NAALADL2: variants seen among roughly 807,000 people sequenced by gnomAD.
NAALADL2 encodes N-acetylated alpha-linked acidic dipeptidase like 2, also known as inactive N-acetylated-alpha-linked acidic dipeptidase-like protein 2.
In NAALADL2, 76 loss-of-function variants were observed where a neutral mutation model predicts 87.2. The observed-to-expected ratio is 0.87, with a 90% confidence interval of 0.72 to 1.05. The LOEUF (loss-of-function observed/expected upper bound fraction) is 1.05, where lower values mean the gene tolerates loss of function less well. NAALADL2 is among the 50% of genes least tolerant of loss of function. The pLI, the probability that NAALADL2 is intolerant of heterozygous loss-of-function variation, is 0.00. For synonymous variants in NAALADL2, 354 were observed against 331.0 expected, an observed-to-expected ratio of 1.07 and a Z score of -0.75; for missense variants, 1,089 against 945.8, an observed-to-expected ratio of 1.15 and a Z score of -1.99.
At chr3:174,533,567 C>T (rs1578106936) in intron 1 of NAALADL2, among the ~76,000 whole-genome samples, 1 of 141,216 alleles carries the variant, frequency 7.1e-6, no homozygotes, top group African/African-American at 2.6e-5. Context: ...GTTAAATAAA[C>T]AATACAGGAA....
At chr3:175,755,119 A>C (rs1747092038) in intron 12 of NAALADL2, 101 bp from the exon 13 acceptor site, 1 of 908,630 alleles carries the variant, frequency 1.1e-6, no homozygotes, top group Non-Finnish European at 1.7e-6. Context: ...TTCCTTCTTC[A>C]GTGGTCTGTC....
intron 5 of NAALADL2, among the ~76,000 whole-genome samples, chr3:175,351,235 G>C (rs1029511652): frequency 6.6e-6 from 1 of 151,566 alleles, no homozygotes; most frequent in Non-Finnish European, 1.5e-5. Context: ...TATATTTTTT[G>C]ATTTTTAAAA....
At chr3:175,597,289 T>C (rs746135300) in intron 10 of NAALADL2, among the ~76,000 whole-genome samples, 1 of 152,098 alleles carries the variant, frequency 6.6e-6, no homozygotes, top group Middle Eastern at 3.4e-3. Context: ...CGAATATGGA[T>C]ATAAAAGTTG....
chr3:174,442,092 A>AT (rs1278434111), intron 1 of NAALADL2, among the ~76,000 whole-genome samples: 11 of 152,012 alleles, frequency 7.2e-5, no homozygotes, highest in African/African-American at 2.7e-4. Context: ...AGTGAGTTCG[A>AT]TTTGGTAACG....
At chr3:174,655,787 T>TA (rs1724855515) in intron 2 of NAALADL2, among the ~76,000 whole-genome samples, 1 of 152,164 alleles carries the variant, frequency 6.6e-6, no homozygotes, top group South Asian at 2.1e-4. Flanking sequence ...TACCATTAAC[T>TA]AAAAAAGAGA....
At chr3:174,879,235 C>A (rs184857532) in intron 1 of NAALADL2, among the ~76,000 whole-genome samples, 311 of 152,128 alleles carry the variant, frequency 2.0e-3, no homozygotes, top group Non-Finnish European at 3.5e-3. Flanking sequence ...TTAAGGAACA[C>A]CTTGACTACA....
At chr3:174,864,494 T>C (rs369253448) in intron 1 of NAALADL2, among the ~76,000 whole-genome samples, 11 of 152,202 alleles carry the variant, frequency 7.2e-5, no homozygotes, top group East Asian at 5.8e-4. Flanking sequence ...GGTACTGAAA[T>C]TGTTTCAAAG....
At chr3:175,643,642 G>GA (rs1729588370) in intron 11 of NAALADL2, among the ~76,000 whole-genome samples, 2 of 152,278 alleles carry the variant, frequency 1.3e-5, no homozygotes, top group East Asian at 3.9e-4. Context: ...TTGTCAGTGA[G>GA]AAAAAATCAT....
intron 2 of NAALADL2, among the ~76,000 whole-genome samples, chr3:175,137,756 A>G (rs1271837946): frequency 2.4e-5 from 3 of 124,492 alleles, no homozygotes; most frequent in Non-Finnish European, 5.3e-5. Context: ...CCGCCACCAC[A>G]CCCAGCTAAG....
intron 1 of NAALADL2, among the ~76,000 whole-genome samples, chr3:174,951,995 C>T (rs1055396257): frequency 6.6e-6 from 1 of 152,060 alleles, no homozygotes; most frequent in African/African-American, 2.4e-5. Context: ...CATGCTTTTT[C>T]TCTTATCTCT....
At chr3:174,872,594 G>C (rs1727970978) in intron 1 of NAALADL2, among the ~76,000 whole-genome samples, 1 of 152,120 alleles carries the variant, frequency 6.6e-6, no homozygotes, top group Non-Finnish European at 1.5e-5. Context: ...TGATTATGTA[G>C]CAGGTATAGT....
At chr3:175,517,965 T>C (rs1186820890) in intron 9 of NAALADL2, among the ~76,000 whole-genome samples, 1 of 152,178 alleles carries the variant, frequency 6.6e-6, no homozygotes, top group Non-Finnish European at 1.5e-5. Context: ...GGAAATGGGC[T>C]TTCCACTTGG....
rs192801084 is a variant in NAALADL2 at position 174,838,937 on chromosome 3, A to G, written c.-9+101191A>G. Among the ~76,000 whole-genome samples, 305 of 152,180 alleles carry G rather than the reference A, an allele frequency of 2.0e-3. 1 individual carries two copies. Among genetic ancestry groups the G allele is most frequent in the African/African-American group, 7.1e-3 (293 of 41,544 alleles). On this transcript the variant is annotated intron_variant, in intron 3 of 3. Transcript: ENST00000434257. Reference sequence around the variant, plus strand: ...ACCATACTGCCAAATACAATCTACAAATTCAATGCTATGCCCATCAACACC... The same window carrying G: ...ACCATACTGCCAAATACAATCTACAGATTCAATGCTATGCCCATCAACACC...
chr3:174,718,225 T>A (rs932379724), intron 2 of NAALADL2, among the ~76,000 whole-genome samples: 1 of 152,216 alleles, frequency 6.6e-6, no homozygotes, highest in Admixed American at 6.5e-5. Flanking sequence ...TGGGGCTTAT[T>A]TATCTTTCCC....
At chr3:174,741,745 T>C (rs1436908605) in intron 3 of NAALADL2, among the ~76,000 whole-genome samples, 1 of 151,760 alleles carries the variant, frequency 6.6e-6, no homozygotes, top group Non-Finnish European at 1.5e-5. Context: ...TCTTTGCATA[T>C]AGCTCTTGCT....
chr3:175,512,163 G>T (rs1731244453), intron 9 of NAALADL2, among the ~76,000 whole-genome samples: 1 of 152,100 alleles, frequency 6.6e-6, no homozygotes, highest in South Asian at 2.1e-4. Context: ...AGGATTAATT[G>T]AGCCCTGGAG....
chr3:174,488,804 C>T (rs563036841), intron 1 of NAALADL2, among the ~76,000 whole-genome samples: 8 of 152,040 alleles, frequency 5.3e-5, no homozygotes, highest in East Asian at 1.9e-4. Flanking sequence ...CTGCTTAATT[C>T]CTGCCATTCA....
At position 174,860,467 on chromosome 3, in the gene NAALADL2, G is replaced by C. The variant is rs144393992; in HGVS notation, c.43+1017G>C. ...AGGTAAAAGGCTCATTTAGCATAAT[G>C]AGAATCATTTATTTCTATGTGTCTT... On this transcript the variant is annotated intron_variant, in intron 1 of 13. Transcript: ENST00000454872. Among the ~76,000 whole-genome samples, 327 of 152,134 alleles carry C rather than the reference G, an allele frequency of 2.1e-3. 1 individual carries two copies. The highest frequency in any genetic ancestry group is 7.6e-3 in the African/African-American group (314 of 41,538).
chr3:174,680,143 T>C (rs899017671), intron 2 of NAALADL2, among the ~76,000 whole-genome samples: 1 of 92,772 alleles, frequency 1.1e-5, no homozygotes, highest in African/African-American at 4.6e-5. Context: ...GCAATTTCTT[T>C]GACAATTTCT....
Sources: allele counts gnomAD v4.1 joint callset (sites outside exome capture counted in the v4.1 genomes callset), GRCh38; gene constraint gnomAD v4.1.1; transcripts MANE v1.5; gene names NCBI Gene and HGNC (gene_info 2026-07-23, HGNC 2026-07-21).